PIBF1: variants seen among roughly 807,000 people sequenced by gnomAD.
The protein encoded by PIBF1 is progesterone-induced-blocking factor 1.
In PIBF1, 90 loss-of-function variants were observed where a neutral mutation model predicts 112.5. The ratio of observed to expected loss-of-function variants is 0.80; its 90% CI spans 0.67 to 0.95. PIBF1 has a LOEUF of 0.95. PIBF1 is among the 40% of genes least tolerant of loss of function. PIBF1 has a pLI of 0.00. For synonymous variants in PIBF1, 301 were observed against 288.6 expected (o/e 1.04, Z -0.44); for missense variants, 915 against 852.3 (o/e 1.07, Z -0.92).
chr13:72,818,547 A>G (rs1182539466), intron 5 of PIBF1, among the ~76,000 whole-genome samples: 2 of 151,726 alleles, frequency 1.3e-5, no homozygotes, highest in Non-Finnish European at 2.9e-5. Context: ...TATTTCCTAT[A>G]TTTTTTATGT....
chr13:73,001,252 T>C (rs1214655611), intron 17 of PIBF1, among the ~76,000 whole-genome samples: 3 of 152,228 alleles, frequency 2.0e-5, no homozygotes, highest in Non-Finnish European at 4.4e-5. Context: ...CTTTTGAATA[T>C]TTTCAATTTT....
intron 17 of PIBF1, among the ~76,000 whole-genome samples, chr13:73,009,132 A>G (rs1488022623): frequency 6.6e-6 from 1 of 152,124 alleles, no homozygotes; most frequent in Non-Finnish European, 1.5e-5. Flanking sequence ...TCATGTCTGC[A>G]TTTTAAGCGG....
Position 72,875,143 on chromosome 13 carries a change from G to A in PIBF1, c.1323-18641G>A, listed in dbSNP as rs142927092. Among the ~76,000 whole-genome samples the A allele has an allele frequency of 3.3e-5, 5 of 152,244 alleles. No individual in the cohort carries two copies. In the East Asian group the frequency reaches 9.7e-4, roughly 29 times the overall value. On this transcript the variant is annotated intron_variant, in intron 10 of 17. Transcript: ENST00000326291. Reference sequence around the variant, plus strand: ...TCCATGGTTTTATCTTTTTCAAAATGTCATAATCATACAGTTTGTAGTCTT... The same window carrying A: ...TCCATGGTTTTATCTTTTTCAAAATATCATAATCATACAGTTTGTAGTCTT...
At chr13:72,805,206 G>A (rs149438239) in intron 5 of PIBF1, among the ~76,000 whole-genome samples, 126 of 152,216 alleles carry the variant, frequency 8.3e-4, no homozygotes, top group African/African-American at 3.0e-3. Flanking sequence ...GCAGTGGCAC[G>A]ATCTCGGTTC....
At chr13:72,952,638 T>G (rs1181722788) in intron 14 of PIBF1, among the ~76,000 whole-genome samples, 4 of 151,922 alleles carry the variant, frequency 2.6e-5, no homozygotes, top group African/African-American at 9.6e-5. Context: ...AACTGAGTTT[T>G]TTTTTTTTTT....
intron 5 of PIBF1, among the ~76,000 whole-genome samples, chr13:72,805,928 A>T (rs928105564): frequency 1.3e-5 from 2 of 152,244 alleles, no homozygotes; most frequent in Non-Finnish European, 2.9e-5. Flanking sequence ...AGGTCAACAG[A>T]GTGGTACAAA....
chr13:72,985,392 A>AAAAAAAAG, intron 16 of PIBF1, among the ~76,000 whole-genome samples: 1 of 150,276 alleles, frequency 6.7e-6, no homozygotes, highest in African/African-American at 2.4e-5. Flanking sequence ...AAAAAAAAAA[A>AAAAAAAAG]AGCCAGGGCG....
At chr13:72,932,654 A>G (rs977875230) in intron 14 of PIBF1, among the ~76,000 whole-genome samples, 3 of 152,240 alleles carry the variant, frequency 2.0e-5, no homozygotes, top group Non-Finnish European at 4.4e-5. Context: ...TGTCAGCAGC[A>G]TACCAGTACT....
At chr13:72,828,175 C>G (rs1313888949) in intron 8 of PIBF1, among the ~76,000 whole-genome samples, 1 of 150,154 alleles carries the variant, frequency 6.7e-6, no homozygotes, top group Non-Finnish European at 1.5e-5. Context: ...AGGTACGTTT[C>G]TTGAATACAG....
intron 11 of PIBF1, among the ~76,000 whole-genome samples, chr13:72,894,772 A>ATAGTGTGTGTGT (rs1491462402): frequency 5.2e-4 from 71 of 137,202 alleles, no homozygotes; most frequent in African/African-American, 2.0e-3. Flanking sequence ...ATATATATAT[A>ATAGTGTGTGTGT]GTGTGTGTGT....
chr13:72,900,023 A>G (rs2040424811), intron 11 of PIBF1, among the ~76,000 whole-genome samples: 1 of 152,184 alleles, frequency 6.6e-6, no homozygotes, highest in Non-Finnish European at 1.5e-5. Context: ...AAAAAATTAA[A>G]TACTTAAGAA....
At chr13:72,861,991 G>A (rs935456779) in intron 10 of PIBF1, among the ~76,000 whole-genome samples, 4 of 152,052 alleles carry the variant, frequency 2.6e-5, no homozygotes, top group Non-Finnish European at 5.9e-5. Context: ...GAGGTTTCTA[G>A]AGCAGAAAAA....
intron 16 of PIBF1, among the ~76,000 whole-genome samples, chr13:72,997,391 C>T (rs1157674701): frequency 6.6e-6 from 1 of 152,128 alleles, no homozygotes; most frequent in Non-Finnish European, 1.5e-5. Context: ...CCCCAAATGG[C>T]CCAGATAATC....
chr13:72,907,072 C>T (rs950504376), intron 11 of PIBF1, among the ~76,000 whole-genome samples: 4 of 152,042 alleles, frequency 2.6e-5, no homozygotes, highest in African/African-American at 9.7e-5. Context: ...AATGCTAAAA[C>T]ACACATTTTG....
At chr13:72,803,268 G>GT (rs967494437) in intron 5 of PIBF1, among the ~76,000 whole-genome samples, 5 of 74,836 alleles carry the variant, frequency 6.7e-5, no homozygotes, top group African/African-American at 1.1e-4. Flanking sequence ...TTTGTTTTTT[G>GT]TTTTTTTCCT....
chr13:72,878,120 A>ATT (rs140484902), intron 10 of PIBF1, among the ~76,000 whole-genome samples: 2 of 144,882 alleles, frequency 1.4e-5, no homozygotes, highest in African/African-American at 5.0e-5. Context: ...GGTTTTATTG[A>ATT]TTTTTTTTTT....
At chr13:72,804,644 C>G (rs1016778234) in intron 5 of PIBF1, among the ~76,000 whole-genome samples, 1 of 152,106 alleles carries the variant, frequency 6.6e-6, no homozygotes, top group South Asian at 2.1e-4. Context: ...TGGCCCACTT[C>G]AAGAGAGATG....
At chr13:72,994,764 G>A (rs978887867) in intron 16 of PIBF1, among the ~76,000 whole-genome samples, 1 of 152,046 alleles carries the variant, frequency 6.6e-6, no homozygotes, top group Non-Finnish European at 1.5e-5. Flanking sequence ...CAAAGCAGAG[G>A]GCTTCAAAAT....
chr13:72,998,336 C>T (rs973080322), intron 16 of PIBF1, among the ~76,000 whole-genome samples: 6 of 152,066 alleles, frequency 3.9e-5, no homozygotes, highest in African/African-American at 7.2e-5. Flanking sequence ...ATTAGCTGGG[C>T]GTGGTGGCAT....
Sources: allele counts gnomAD v4.1 joint callset (sites outside exome capture counted in the v4.1 genomes callset), GRCh38; gene constraint gnomAD v4.1.1; transcripts MANE v1.5; gene names NCBI Gene and HGNC (gene_info 2026-07-23, HGNC 2026-07-21).